Variants in KIF18B observed in about 807,000 individuals in gnomAD.
The protein encoded by KIF18B is kinesin-like protein KIF18B.
KIF18B carries 49 observed loss-of-function variants against 80.9 expected under a neutral mutation model. The ratio of observed to expected loss-of-function variants is 0.61; its 90% confidence interval spans 0.48 to 0.77. The LOEUF is 0.77. Among genes scored for constraint, KIF18B ranks in the 30% least tolerant of loss-of-function variants. The probability of loss-of-function intolerance (pLI) is 0.00; values close to 1 mark genes in which losing one functional copy is unlikely to be tolerated. For synonymous variants in KIF18B, 439 were observed against 463.9 expected (o/e 0.95, Z 0.69); for missense variants, 994 against 1,127.7 (o/e 0.88, Z 1.70).
intron 14 of KIF18B, 105 bp from the exon 15 acceptor site, chr17:44,926,604 C>T: frequency 3.4e-6 from 4 of 1,167,234 alleles, no homozygotes; most frequent in Non-Finnish European, 4.7e-6. Flanking sequence ...GCCCTGAGAG[C>T]AAAGGCTGCT....
In KIF18B at chr17:44,929,009, C is replaced by T. The variant is rs1329689829; in HGVS notation, c.1533G>A (p.Val511=). 1 of 1,613,914 alleles carries T rather than the reference C, an allele frequency of 6.2e-7. No individual in the cohort carries two copies. The highest frequency in any genetic ancestry group is 8.5e-7 in the Non-Finnish European group (1 of 1,179,898). The part of the protein sequence containing the change: ...GDRSKQLALK[V]LCVAQRQYSL... Reference sequence around the variant, plus strand: ...AGTACTGCCGCTGGGCAACGCACAGCACCTTTAGGGCCAACCTGGAACAGA... The same window carrying T: ...AGTACTGCCGCTGGGCAACGCACAGTACCTTTAGGGCCAACCTGGAACAGA... The change falls in exon 12 of 16, where the codon GTG becomes GTA. Residue 511 remains valine, a synonymous_variant. Transcript: ENST00000593135.
chr17:44,935,944 C>T (rs545390646), intron 2 of KIF18B, 88 bp downstream of exon 2: 10 of 1,216,652 alleles, frequency 8.2e-6, no homozygotes, highest in African/African-American at 1.5e-5. Context: ...TTGGGGGAGG[C>T]GGGCACATGC....
intron 1 of KIF18B, among the ~76,000 whole-genome samples, chr17:44,940,914 C>T (rs1030003556): frequency 6.6e-6 from 1 of 152,220 alleles, no homozygotes; most frequent in Non-Finnish European, 1.5e-5. Context: ...AATCCTTTTA[C>T]ATGTATGTAA....
Position 44,933,961 on chromosome 17 carries a change from G to A in KIF18B, c.1024C>T (p.Leu342Phe). Residue 342 changes from leucine (L) to phenylalanine (F), a missense_variant, in exon 7 of 16, where the codon CTC becomes TTC. Leu to Phe is a conservative substitution (Grantham distance 22, BLOSUM62 0). Transcript: ENST00000593135. ...TCCTTGGCCCGGTCGGCATATTTGAGGGTGTTGTACGTGTCCTCGTAGGTC... is the reference window on the plus strand; with the variant it reads ...TCCTTGGCCCGGTCGGCATATTTGAAGGTGTTGTACGTGTCCTCGTAGGTC... ...SLTYEDTYNT[L>F]KYADRAKEIR... The A allele has an allele frequency of 6.3e-7, 1 of 1,591,042 alleles. No individual in the cohort carries two copies. The highest frequency in any genetic ancestry group is 8.6e-7 in the Non-Finnish European group (1 of 1,169,098).
chr17:44,938,050 T>C (rs2052344363), intron 1 of KIF18B, among the ~76,000 whole-genome samples: 1 of 152,020 alleles, frequency 6.6e-6, no homozygotes, highest in Admixed American at 6.6e-5. Flanking sequence ...AGTTTCACTC[T>C]TGTTGCCTAG....
rs762720282 is a variant in KIF18B, at chr17:44,934,641, GGGGCTGTGGGTTCCCGGATCA to G, written c.577-45_577-25del. On this transcript the variant is annotated intron_variant, in intron 4 of 15. Transcript: ENST00000593135. The surrounding 1 kb of genome is among the most constrained non-coding windows in gnomAD (Gnocchi z 5.4). Reference sequence around the variant, plus strand: ...GGCTACAGAGGAGAAGCCCAGGAACGGGGCTGTGGGTTCCCGGATCAGGACTTTTCCCCTAACAGGAAGGGC... The same window carrying G: ...GGCTACAGAGGAGAAGCCCAGGAACGGGACTTTTCCCCTAACAGGAAGGGC... 4 of 1,553,096 alleles carry G rather than the reference GGGGCTGTGGGTTCCCGGATCA, an allele frequency of 2.6e-6. No individual in the cohort carries two copies. The highest frequency in any genetic ancestry group is 2.6e-6 in the Non-Finnish European group (3 of 1,145,976).
chr17:44,936,293 T>TG lies in KIF18B; in HGVS notation c.51dup (p.Thr18HisfsTer24), dbSNP rs746871815. 9 of 1,609,548 alleles carry TG rather than the reference T, an allele frequency of 5.6e-6. No individual in the cohort carries two copies. Among genetic ancestry groups the TG allele is most frequent in the Middle Eastern group, 1.7e-4 (1 of 6,052 alleles). On this transcript the variant is annotated frameshift_variant, in exon 2 of 16. Coordinates refer to ENST00000593135, the MANE Select transcript of KIF18B (RefSeq NM_001265577.2). LOFTEE classifies it high-confidence loss of function. ...CGCTGACTGTCCAGCTCCCGAGGGG[T>TG]GGGGGGCCGCACCCGTACCACTACT...
At chr17:44,929,716 A>C (rs2052107535) in intron 11 of KIF18B, among the ~76,000 whole-genome samples, 1 of 152,224 alleles carries the variant, frequency 6.6e-6, no homozygotes, top group Non-Finnish European at 1.5e-5. Flanking sequence ...GGATAAGAGG[A>C]GATTATGTAA....
intron 8 of KIF18B, 52 bp from the exon 9 acceptor site, chr17:44,932,825 G>C: frequency 6.3e-7 from 1 of 1,575,436 alleles, no homozygotes; most frequent in Non-Finnish European, 8.7e-7. Context: ...CACAGGAGGG[G>C]AGGGGCAGAC....
intron 14 of KIF18B, 58 bp from the exon 15 acceptor site, chr17:44,926,557 G>T: frequency 6.9e-7 from 1 of 1,447,534 alleles, no homozygotes; most frequent in South Asian, 1.4e-5. Flanking sequence ...GACTATGGGT[G>T]TGCATTGAAG....
At chr17:44,941,857 T>G (rs2052426832) in intron 1 of KIF18B, among the ~76,000 whole-genome samples, 1 of 151,958 alleles carries the variant, frequency 6.6e-6, no homozygotes, top group Non-Finnish European at 1.5e-5. Flanking sequence ...GGCAAAGGAG[T>G]GCTCATAACC....
At chr17:44,939,103 G>T (rs1015151725) in intron 1 of KIF18B, among the ~76,000 whole-genome samples, 4 of 151,554 alleles carry the variant, frequency 2.6e-5, no homozygotes, top group African/African-American at 4.9e-5. Flanking sequence ...GGGTGCGGTG[G>T]CTCATGCCTG....
At chr17:44,931,952 G>C in intron 10 of KIF18B, 104 bp downstream of exon 10, 1 of 1,313,704 alleles carries the variant, frequency 7.6e-7, no homozygotes, top group Non-Finnish European at 1.0e-6. Flanking sequence ...CATCCACATA[G>C]AGACGGGACT....
chr17:44,946,805 T>C (rs1237571262), intron 1 of KIF18B, among the ~76,000 whole-genome samples: 1 of 152,132 alleles, frequency 6.6e-6, no homozygotes, highest in Non-Finnish European at 1.5e-5. Context: ...ATATAAATGT[T>C]CTTTCACTTG....
At position 44,936,162 on chromosome 17, in the gene KIF18B, G is replaced by T; in HGVS notation, c.183C>A (p.Pro61=). The T allele has an allele frequency of 6.2e-7, 1 of 1,613,360 alleles. No homozygotes were observed. The highest frequency in any genetic ancestry group is 1.7e-5 in the Admixed American group (1 of 59,952). ...ACGTCAGGTCTTTGCCCTTCTTCTT[G>T]GGGCCATCATGGGTGCCACCCCATT... ...GLKWGGTHDG[P]KKKGKDLTFV... The change falls in exon 2 of 16, where the codon CCC becomes CCA. Residue 61 remains proline, a synonymous_variant. Coordinates refer to ENST00000593135, the MANE Select transcript of KIF18B (RefSeq NM_001265577.2).
chr17:44,946,792 G>A (rs1332402672), intron 1 of KIF18B, among the ~76,000 whole-genome samples: 1 of 152,094 alleles, frequency 6.6e-6, no homozygotes, highest in Non-Finnish European at 1.5e-5. Flanking sequence ...CTGGTCTTCT[G>A]TCATATAAAT....
At chr17:44,943,998 T>C (rs1170901221) in intron 1 of KIF18B, among the ~76,000 whole-genome samples, 2 of 152,124 alleles carry the variant, frequency 1.3e-5, no homozygotes, top group Non-Finnish European at 2.9e-5. Flanking sequence ...ATTGTAGGAG[T>C]GAGCCACCAC....
intron 15 of KIF18B, 103 bp from the exon 16 acceptor site, chr17:44,926,289 C>G: frequency 6.3e-7 from 1 of 1,577,614 alleles, no homozygotes; most frequent in Non-Finnish European, 8.6e-7. Flanking sequence ...TCAGCAGCAT[C>G]CCTGAGATGC....
Position 44,925,952 on chromosome 17 carries a change from G to T in KIF18B, c.*128C>A. On this transcript the variant is annotated 3_prime_UTR_variant, in exon 16 of 16. Coordinates refer to ENST00000593135, the MANE Select transcript of KIF18B (RefSeq NM_001265577.2). ...GATGTTAATACAGCAAAGGTGTGTT[G>T]GCACTAATTGCTCCCAGGTAAGGAA... 2 of 853,214 alleles carry T rather than the reference G, an allele frequency of 2.3e-6. No individual in the cohort carries two copies. The highest frequency in any genetic ancestry group is 3.8e-6 in the Non-Finnish European group (2 of 519,928). The allele number at this position is 853,214 out of a possible 1,614,324, so 52.9% of individuals were successfully genotyped here. A position where few individuals can be genotyped will look rare whatever the true frequency, so the allele number is the denominator to read the frequency against.
Sources: gnomAD v4.1 joint callset for allele counts (sites outside exome capture counted in the v4.1 genomes callset) on GRCh38, gnomAD v4.1.1 for gene constraint, Gnocchi (gnomAD v3.1) non-coding constraint, MANE v1.5 for transcripts, NCBI Gene and HGNC (gene_info 2026-07-23, HGNC 2026-07-21) for gene names.